The following RIOX2 variants were observed in gnomAD, a reference collection of about 807,000 sequenced individuals.
RIOX2 encodes the protein ribosomal oxygenase 2.
A neutral mutation model predicts 51.2 loss-of-function variants in RIOX2; 43 were observed. The observed-to-expected ratio is 0.84, with a 90% CI of 0.66 to 1.08. The LOEUF is 1.08. Ranked by LOEUF, RIOX2 falls within the 50% of genes least tolerant of loss-of-function variation. The probability of loss-of-function intolerance (pLI) is 0.00; values close to 1 mark genes in which losing one functional copy is unlikely to be tolerated. For missense variants in RIOX2, 566 were observed against 561.7 expected (o/e 1.01, Z -0.08); for synonymous variants, 226 against 218.5 (o/e 1.03, Z -0.30).
chr3:97,949,753 T>C, intron 7 of RIOX2, 91 bp downstream of exon 7: 1 of 1,188,864 alleles, frequency 8.4e-7, no homozygotes, highest in Non-Finnish European at 1.2e-6. Context: ...CACTTCATAC[T>C]TTCCATCTGT....
chr3:97,964,316 A>G (rs1705793733), intron 2 of RIOX2, among the ~76,000 whole-genome samples: 1 of 152,206 alleles, frequency 6.6e-6, no homozygotes, highest in African/African-American at 2.4e-5. Context: ...AAATGCCTTA[A>G]ATTTGGAGTC....
chr3:97,949,806 T>A, intron 7 of RIOX2, 38 bp downstream of exon 7: 1 of 1,594,708 alleles, frequency 6.3e-7, no homozygotes, highest in South Asian at 1.1e-5. Context: ...CATCCTGCAT[T>A]AGCCTCTGAC....
At position 97,954,470 on chromosome 3, in the gene RIOX2, C is replaced by G; in HGVS notation, c.707G>C (p.Arg236Thr). The change falls in exon 5 of 10, where the codon AGA (arginine) becomes ACA (threonine). Residue 236 changes from arginine (R) to threonine (T), a missense_variant. By Grantham distance (71) the Arg-to-Thr change is moderately conservative. Coordinates refer to ENST00000394198, the MANE Select transcript of RIOX2 (RefSeq NM_153182.4). ...LKPGDLLYFP[R>T]GTIHQADTPA... is the part of the protein sequence containing the mutation. ...AGTGTCCGCTTGATGAATGGTTCCT[C>G]TGGGAAAGTACAACAAATCACCCGG... 1 of 1,614,044 alleles carries G rather than the reference C, an allele frequency of 6.2e-7. No homozygotes were observed. The highest frequency in any genetic ancestry group is 1.1e-5 in the South Asian group (1 of 91,054).
chr3:97,969,010 A>C (rs1453089115), intron 1 of RIOX2, among the ~76,000 whole-genome samples: 1 of 152,226 alleles, frequency 6.6e-6, no homozygotes, highest in African/African-American at 2.4e-5. Flanking sequence ...GATGTGTTGC[A>C]TACTGTGTGA....
intron 2 of RIOX2, among the ~76,000 whole-genome samples, chr3:97,964,135 A>G (rs1705785372): frequency 6.6e-6 from 1 of 152,132 alleles, no homozygotes; most frequent in African/African-American, 2.4e-5. Context: ...AGAAGGTGGA[A>G]GTCTCTCTCC....
Position 97,947,460 on chromosome 3 carries a change from C to T in RIOX2, c.1061-11G>A. On this transcript the variant is annotated splice_polypyrimidine_tract_variant and intron_variant, in intron 7 of 9. Coordinates refer to ENST00000394198, the MANE Select transcript of RIOX2 (RefSeq NM_153182.4). Reference sequence around the variant, plus strand: ...TCGGTAACTTTCCACCTAGAAAACCCCAAAGAGAGAAAGCCGACCTTCAAA... The same window carrying T: ...TCGGTAACTTTCCACCTAGAAAACCTCAAAGAGAGAAAGCCGACCTTCAAA... The T allele has an allele frequency of 6.2e-7, 1 of 1,610,540 alleles. No homozygotes were observed. The highest frequency in any genetic ancestry group is 8.5e-7 in the Non-Finnish European group (1 of 1,177,486).
chr3:97,942,124 T>C lies in RIOX2; in HGVS notation c.*3060A>G. 1 of 490,752 alleles carries C rather than the reference T, an allele frequency of 2.0e-6. No homozygotes were observed. Among genetic ancestry groups the C allele is most frequent in the Non-Finnish European group, 3.3e-6 (1 of 299,462 alleles). The allele number at this position is 490,752 out of a possible 1,614,324, so 30.4% of individuals were successfully genotyped here. On this transcript the variant is annotated 3_prime_UTR_variant, in exon 10 of 10. Transcript: ENST00000394198. ...CCTACCCACAGCCGTAAAGAAGACA[T>C]TAAAAAAGGCTTACTGAAATTATAC...
At chr3:97,961,827 C>T (rs931022358) in intron 2 of RIOX2, 119 bp from the exon 3 acceptor site, 57 of 1,086,612 alleles carry the variant, frequency 5.2e-5, no homozygotes, top group Non-Finnish European at 6.4e-5. Context: ...CTATTATACA[C>T]CAGATACTGG....
rs2040310801 is a variant in RIOX2, at chr3:97,944,651, C to T, written c.*533G>A. 6.6e-6 allele frequency: 1 copy of T among 152,160 alleles called. No homozygotes were observed. Among genetic ancestry groups the T allele is most frequent in the African/African-American group, 2.4e-5 (1 of 41,330 alleles). The allele number at this position is 152,160 out of a possible 1,614,324, so 9.4% of individuals were successfully genotyped here. ...TCTTTTAAGCAGCCTCTGTAACTCC[C>T]TTTTGTCCATAGGTGTTGCGTGCCT... On this transcript the variant is annotated 3_prime_UTR_variant, in exon 10 of 10. Coordinates refer to ENST00000394198, the MANE Select transcript of RIOX2 (RefSeq NM_153182.4).
rs1178727989 is a variant in RIOX2, at chr3:97,961,714, C to T, written c.433-6G>A. ...TGGATCCTCCAAAGCTCATCCTTTA[C>T]AAAAAAGGAAAAAAGAAAGGGTCGG... On this transcript the variant is annotated splice_region_variant and splice_polypyrimidine_tract_variant and intron_variant, in intron 2 of 9. Coordinates refer to ENST00000394198, the MANE Select transcript of RIOX2 (RefSeq NM_153182.4). The T allele has an allele frequency of 2.5e-6, 4 of 1,569,462 alleles. No individual in the cohort carries two copies. Among genetic ancestry groups the T allele is most frequent in the African/African-American group, 1.4e-5 (1 of 71,942 alleles).
At chr3:97,964,275 A>G (rs1705792162) in intron 2 of RIOX2, among the ~76,000 whole-genome samples, 1 of 152,224 alleles carries the variant, frequency 6.6e-6, no homozygotes, top group South Asian at 2.1e-4. Flanking sequence ...GCCCTACTAA[A>G]TTTCAATACA....
chr3:97,946,261 T>C (rs1168272683), intron 8 of RIOX2, among the ~76,000 whole-genome samples: 1 of 152,024 alleles, frequency 6.6e-6, no homozygotes, highest in African/African-American at 2.4e-5. Context: ...ACTATCTTTT[T>C]TGAATAAAAA....
At chr3:97,950,765 C>T (rs763345637) in intron 6 of RIOX2, 21 bp downstream of exon 6, 2 of 1,599,232 alleles carry the variant, frequency 1.3e-6, no homozygotes, top group Non-Finnish European at 8.6e-7. Flanking sequence ...TCCTTCATTC[C>T]TACCTGCCTT....
Position 97,945,369 on chromosome 3 carries a change from A to G in RIOX2, c.1240-27T>C, listed in dbSNP as rs772822557. ...TGAAAGGATAAATTTATTTGTCAAA[A>G]TATATGTATACTACTTATGTCATTG... is the stretch of plus-strand genomic sequence containing the variant. On this transcript the variant is annotated intron_variant, in intron 9 of 9. Transcript: ENST00000394198. The G allele has an allele frequency of 2.5e-6, 4 of 1,592,618 alleles. No individual in the cohort carries two copies. In the South Asian group the frequency reaches 4.5e-5, roughly 18 times the overall value.
Position 97,957,548 on chromosome 3 carries a change from ACTG to A in RIOX2, c.681+1500_681+1502del, listed in dbSNP as rs1705497023. On this transcript the variant is annotated intron_variant, in intron 4 of 9. Coordinates refer to ENST00000394198, the MANE Select transcript of RIOX2 (RefSeq NM_153182.4). ...ACATACACATACACACTTGAACAAT[ACTG>A]TACAACATGGTCTTTCTCTGTCCAG... Among the ~76,000 whole-genome samples the A allele has an allele frequency of 2.0e-5, 3 of 151,852 alleles. No individual in the cohort carries two copies. In the South Asian group the frequency reaches 6.2e-4, roughly 32 times the overall value.
chr3:97,968,956 A>C (rs1423577337), intron 1 of RIOX2, among the ~76,000 whole-genome samples: 1 of 152,242 alleles, frequency 6.6e-6, no homozygotes, highest in Non-Finnish European at 1.5e-5. Context: ...ACTGTAGACT[A>C]AGTGGAATTA....
At chr3:97,948,624 TC>T (rs1389557815) in intron 7 of RIOX2, among the ~76,000 whole-genome samples, 1 of 152,206 alleles carries the variant, frequency 6.6e-6, no homozygotes, top group East Asian at 1.9e-4. Flanking sequence ...AACTTCAGCC[TC>T]ATACATTCCT....
Position 97,949,979 on chromosome 3 carries a change from T to C in RIOX2, c.925A>G (p.Ser309Gly), listed in dbSNP as rs758974003. The C allele has an allele frequency of 1.2e-6, 2 of 1,613,948 alleles. No individual in the cohort carries two copies. The highest frequency in any genetic ancestry group is 2.2e-5 in the East Asian group (1 of 44,868). The change falls in exon 7 of 10, where the codon AGT becomes GGT. Residue 309 changes from serine to glycine, a missense_variant. Coordinates refer to ENST00000394198, the MANE Select transcript of RIOX2 (RefSeq NM_153182.4). ...ESTTVATRRL[S>G]GFLRTLADRL... The stretch of plus-strand genomic sequence containing the variant: ...TCTGCAAGTGTCCTCAGGAAGCCAC[T>C]TAATCGTCTTGTAGCAACAGTTGTG...
rs1276746708 is a variant in RIOX2, at chr3:97,944,176, C to T, written c.*1008G>A. On this transcript the variant is annotated 3_prime_UTR_variant, in exon 10 of 10. Coordinates refer to ENST00000394198, the MANE Select transcript of RIOX2 (RefSeq NM_153182.4). ...AATTAAAACACAGTAGCATTTGAACCTTGACCTTACCATCTCTTTAAGTAA... is the reference window on the plus strand; with the variant it reads ...AATTAAAACACAGTAGCATTTGAACTTTGACCTTACCATCTCTTTAAGTAA... The T allele has an allele frequency of 1.3e-5, 2 of 151,440 alleles. No individual in the cohort carries two copies. Among genetic ancestry groups the T allele is most frequent in the Non-Finnish European group, 2.9e-5 (2 of 67,818 alleles). 9.4% of individuals were successfully genotyped at this position (151,440 alleles called of 1,614,324 possible).
Sources: allele counts gnomAD v4.1 joint callset (sites outside exome capture counted in the v4.1 genomes callset), GRCh38; gene constraint gnomAD v4.1.1; transcripts MANE v1.5; gene names NCBI Gene and HGNC (gene_info 2026-07-23, HGNC 2026-07-21).